Variants in POU6F2 observed in about 807,000 individuals in gnomAD.
The protein encoded by POU6F2 is POU domain, class 6, transcription factor 2.
Under a neutral mutation model 71.3 loss-of-function variants are expected in POU6F2, and 31 were observed. The ratio of observed to expected loss-of-function variants is 0.43; its 90% CI spans 0.33 to 0.59. The LOEUF is 0.59. POU6F2 is among the 20% of genes least tolerant of loss of function. The pLI is 0.04. For synonymous variants in POU6F2, 347 were observed against 355.7 expected (o/e 0.98, Z 0.27); for missense variants, 783 against 856.8 (o/e 0.91, Z 1.07).
intron 6 of POU6F2, among the ~76,000 whole-genome samples, chr7:39,409,889 T>A (rs1017689071): frequency 1.3e-5 from 2 of 152,258 alleles, no homozygotes; most frequent in Non-Finnish European, 2.9e-5. Flanking sequence ...ATTTTATTAC[T>A]GCTCCTTTTT....
At chr7:38,978,711 C>T (rs912737530) in intron 1 of POU6F2, among the ~76,000 whole-genome samples, 1 of 152,156 alleles carries the variant, frequency 6.6e-6, no homozygotes, top group Non-Finnish European at 1.5e-5. Context: ...TAATAAACAG[C>T]TCCATTTAGT....
At chr7:39,121,895 C>T (rs1358612302) in intron 2 of POU6F2, among the ~76,000 whole-genome samples, 1 of 152,164 alleles carries the variant, frequency 6.6e-6, no homozygotes, top group African/African-American at 2.4e-5. Flanking sequence ...GATGGGGTTT[C>T]ACCATGCTGG....
At chr7:39,258,209 A>G (rs1201985260) in intron 4 of POU6F2, among the ~76,000 whole-genome samples, 1 of 152,260 alleles carries the variant, frequency 6.6e-6, no homozygotes, top group East Asian at 1.9e-4. Flanking sequence ...CAGTAGTTAC[A>G]TATTTTTATT....
chr7:39,164,878 T>C (rs1198564356), intron 2 of POU6F2, among the ~76,000 whole-genome samples: 1 of 152,138 alleles, frequency 6.6e-6, no homozygotes, highest in African/African-American at 2.4e-5. Context: ...GCCAGATAAG[T>C]CTTCTTTACC....
chr7:39,249,893 G>A (rs1324886587), intron 4 of POU6F2, among the ~76,000 whole-genome samples: 1 of 152,154 alleles, frequency 6.6e-6, no homozygotes, highest in Non-Finnish European at 1.5e-5. Flanking sequence ...AGCCATATAA[G>A]CATAAATTTT....
At chr7:39,439,013 G>T (rs2116059729) in intron 7 of POU6F2, among the ~76,000 whole-genome samples, 2 of 152,274 alleles carry the variant, frequency 1.3e-5, no homozygotes, top group South Asian at 4.1e-4. Context: ...AGGTCTCTAA[G>T]AGCTTGTTTG....
At chr7:39,263,647 G>A (rs1784182749) in intron 4 of POU6F2, among the ~76,000 whole-genome samples, 1 of 139,140 alleles carries the variant, frequency 7.2e-6, no homozygotes, top group South Asian at 2.4e-4. Flanking sequence ...TTACATGTGT[G>A]TGCATGCGTG....
rs1313516945 is a variant in POU6F2 at position 39,207,482 on chromosome 7, T to G, written c.460T>G (p.Phe154Val). Reference sequence around the variant, plus strand: ...CCTCAACCAGCCAATCCTCATTCCCTTCAACATGGCGGGACAGCTAGGAGG... The same window carrying G: ...CCTCAACCAGCCAATCCTCATTCCCGTCAACATGGCGGGACAGCTAGGAGG... ...PALNQPILIPFNMAGQLGGQQ... is the reference protein window; with the variant it reads ...PALNQPILIPVNMAGQLGGQQ... Residue 154 changes from phenylalanine to valine, a missense_variant, in exon 4 of 10, where the codon TTC (phenylalanine) becomes GTC (valine). Physicochemically the swap from Phe to Val is conservative, Grantham distance 50. Transcript: ENST00000518318. 1.2e-6 allele frequency: 2 copies of G among 1,613,988 alleles called. No homozygotes were observed. Among genetic ancestry groups the G allele is most frequent in the East Asian group, 4.5e-5 (2 of 44,866 alleles).
intron 4 of POU6F2, among the ~76,000 whole-genome samples, chr7:39,304,537 G>A (rs565290065): frequency 1.6e-4 from 14 of 89,028 alleles, no homozygotes; most frequent in African/African-American, 5.6e-4. Flanking sequence ...CCAATTTAAA[G>A]ACAGGAGAAA....
chr7:39,184,439 G>A (rs1170289294), intron 2 of POU6F2, among the ~76,000 whole-genome samples: 1 of 152,180 alleles, frequency 6.6e-6, no homozygotes, highest in East Asian at 1.9e-4. Flanking sequence ...CTATTTCAGA[G>A]GTGGTATATG....
At chr7:39,129,117 CT>C (rs912587761) in intron 2 of POU6F2, among the ~76,000 whole-genome samples, 1 of 152,142 alleles carries the variant, frequency 6.6e-6, no homozygotes, top group African/African-American at 2.4e-5. Flanking sequence ...GATTCTTTAT[CT>C]TAGTAATTGG....
chr7:39,339,816 C>T lies in POU6F2; in HGVS notation c.773C>T (p.Pro258Leu), dbSNP rs1353610027. ...CAGCCCACCCCACCCCAGCAGCCACCACCCGCCTCTCAGCAGCCGCCAGCT... is the reference window on the plus strand; with the variant it reads ...CAGCCCACCCCACCCCAGCAGCCACTACCCGCCTCTCAGCAGCCGCCAGCT... ...PLQPTPPQQP[P>L]PASQQPPAPT... is the part of the protein sequence containing the mutation. The change falls in exon 5 of 10, where the codon CCA (proline) becomes CTA (leucine). Residue 258 changes from proline to leucine, a missense_variant. Physicochemically the swap from Pro to Leu is moderately conservative, Grantham distance 98. Around this residue, in one of 2 missense-constraint regions of POU6F2, gnomAD observed 572 missense variants for 572.9 expected, o/e 1.00. Transcript: ENST00000518318. 6.3e-7 allele frequency: 1 copy of T among 1,577,034 alleles called. No homozygotes were observed. Among genetic ancestry groups the T allele is most frequent in the African/African-American group, 1.4e-5 (1 of 73,828 alleles).
At chr7:39,440,774 G>T (rs1404216934) in intron 7 of POU6F2, among the ~76,000 whole-genome samples, 1 of 152,038 alleles carries the variant, frequency 6.6e-6, no homozygotes, top group African/African-American at 2.4e-5. Flanking sequence ...TGATCTTTTG[G>T]GTTTTCAGCA....
intron 2 of POU6F2, among the ~76,000 whole-genome samples, chr7:39,168,719 C>T (rs942545958): frequency 2.0e-5 from 3 of 152,090 alleles, no homozygotes; most frequent in Non-Finnish European, 4.4e-5. Flanking sequence ...AAATTGCTAG[C>T]ACAATTGAGA....
intron 8 of POU6F2, among the ~76,000 whole-genome samples, chr7:39,454,366 T>C (rs1222787823): frequency 6.6e-6 from 1 of 151,820 alleles, no homozygotes; most frequent in African/African-American, 2.4e-5. Flanking sequence ...CCCTCTTCTC[T>C]CCCTAAAAAT....
At position 39,276,511 on chromosome 7, in the gene POU6F2, A is replaced by C. The variant is rs537169586; in HGVS notation, c.599-63131A>C. On this transcript the variant is annotated intron_variant, in intron 4 of 9. Transcript: ENST00000518318. ...CAGTGTGGCGATTCCTCAGGGATCT[A>C]GAACTAGAAATACCATTTGACCCAG... Among the ~76,000 whole-genome samples, 346 of 151,346 alleles carry C rather than the reference A, an allele frequency of 2.3e-3. 1 individual carries two copies. Among genetic ancestry groups the C allele is most frequent in the African/African-American group, 8.2e-3 (338 of 41,302 alleles).
chr7:39,436,702 G>C (rs1389479259), intron 7 of POU6F2, among the ~76,000 whole-genome samples: 7 of 152,142 alleles, frequency 4.6e-5, no homozygotes, highest in Admixed American at 1.3e-4. Context: ...TCTTGTACTA[G>C]TTTTCAAAGG....
At chr7:38,999,217 C>T (rs1469301617) in intron 1 of POU6F2, among the ~76,000 whole-genome samples, 1 of 152,092 alleles carries the variant, frequency 6.6e-6, no homozygotes, top group Non-Finnish European at 1.5e-5. Flanking sequence ...GAGAAATTCC[C>T]TCAGTCCTTG....
intron 1 of POU6F2, among the ~76,000 whole-genome samples, chr7:39,016,453 A>G (rs1789550682): frequency 6.6e-6 from 1 of 151,936 alleles, no homozygotes; most frequent in African/African-American, 2.4e-5. Context: ...TGCTCCAAAA[A>G]GCTCATAGTC....
Sources: allele counts gnomAD v4.1 joint callset (sites outside exome capture counted in the v4.1 genomes callset), GRCh38; gene constraint gnomAD v4.1.1; regional missense constraint gnomAD v4.1.1; transcripts MANE v1.5; gene names NCBI Gene and HGNC (gene_info 2026-07-23, HGNC 2026-07-21).